The following PACRG variants were observed in gnomAD, a reference collection of about 807,000 sequenced individuals.
PACRG encodes parkin coregulated.
Under a neutral mutation model 29.7 loss-of-function variants are expected in PACRG, and 29 were observed. That is an observed-to-expected ratio of 0.98 (90% CI 0.73 to 1.33). The LOEUF (loss-of-function observed/expected upper bound fraction) is 1.33. Ranked by LOEUF, PACRG falls within the 40% of genes most tolerant of loss-of-function variation. The probability of loss-of-function intolerance (pLI) is 0.00; values close to 1 mark genes in which losing one functional copy is unlikely to be tolerated. For missense variants in PACRG, 279 were observed against 316.2 expected (o/e 0.88, Z 0.89); for synonymous variants, 116 against 118.7 (o/e 0.98, Z 0.15).
chr6:162,783,255 G>A (rs1784224779), intron 1 of PACRG, among the ~76,000 whole-genome samples: 1 of 151,870 alleles, frequency 6.6e-6, no homozygotes, highest in Non-Finnish European at 1.5e-5. Context: ...GTAAAAGTGA[G>A]GACATTTGAG....
At chr6:163,311,940 G>A (rs1486295819) in intron 4 of PACRG, among the ~76,000 whole-genome samples, 1 of 151,836 alleles carries the variant, frequency 6.6e-6, no homozygotes, top group East Asian at 1.9e-4. Flanking sequence ...CCCTCCATCA[G>A]GAAAATATGT....
At chr6:162,995,473 C>T (rs991601944) in intron 2 of PACRG, among the ~76,000 whole-genome samples, 26 of 152,164 alleles carry the variant, frequency 1.7e-4, no homozygotes, top group African/African-American at 5.3e-4. Flanking sequence ...GTCTGAAAAG[C>T]GCAGTATTCG....
intron 4 of PACRG, among the ~76,000 whole-genome samples, chr6:163,192,268 AG>A (rs1440636973): frequency 6.6e-6 from 1 of 152,234 alleles, no homozygotes; most frequent in African/African-American, 2.4e-5. Context: ...ATTTTTGCAA[AG>A]AATGCAAGGA....
chr6:163,025,707 G>A (rs17367151), intron 2 of PACRG, among the ~76,000 whole-genome samples: 2,777 of 152,284 alleles, frequency 0.018, 61 homozygotes, highest in Non-Finnish European at 0.022. Flanking sequence ...GATTTGCATG[G>A]AAAAGAACCA....
intron 2 of PACRG, among the ~76,000 whole-genome samples, chr6:162,907,824 A>G (rs1214306948): frequency 6.6e-6 from 1 of 152,180 alleles, no homozygotes; most frequent in Non-Finnish European, 1.5e-5. Context: ...CTCATAGCAA[A>G]CTAGTGATTT....
intron 4 of PACRG, among the ~76,000 whole-genome samples, chr6:163,121,668 T>G (rs1257732085): frequency 2.7e-5 from 4 of 149,188 alleles, no homozygotes; most frequent in African/African-American, 9.9e-5. Context: ...GTAATCTTTT[T>G]TTTTTTTTTT....
chr6:162,769,891 A>T (rs893686469), intron 1 of PACRG, among the ~76,000 whole-genome samples: 4 of 152,060 alleles, frequency 2.6e-5, no homozygotes, highest in African/African-American at 9.7e-5. Context: ...ACTGATTCTT[A>T]TTGATTACAT....
chr6:163,078,015 G>A (rs79525798), intron 3 of PACRG, among the ~76,000 whole-genome samples: 2,212 of 152,258 alleles, frequency 0.015, 47 homozygotes, highest in African/African-American at 0.051. Flanking sequence ...CGAATCCGCC[G>A]TGCATTAACT....
intron 1 of PACRG, among the ~76,000 whole-genome samples, chr6:162,765,036 G>A (rs1782674474): frequency 6.6e-6 from 1 of 151,964 alleles, no homozygotes; most frequent in African/African-American, 2.4e-5. Context: ...GAGCCACCGT[G>A]CCCGGCCTGG....
chr6:162,949,393 A>G (rs1392651568), intron 2 of PACRG, among the ~76,000 whole-genome samples: 1 of 152,140 alleles, frequency 6.6e-6, no homozygotes, highest in Non-Finnish European at 1.5e-5. Context: ...GGGTTGTTTA[A>G]TGGGTCTGTA....
rs561195798 is a variant in PACRG at position 163,290,228 on chromosome 6, C to T, written c.614-24599C>T. ...GCCAATCCCCACCCTGTGCCAACTC[C>T]AAATTCACTTAATTATCATACGCAC... On this transcript the variant is annotated intron_variant, in intron 4 of 4. Transcript: ENST00000366888. Among the ~76,000 whole-genome samples, 4 of 151,912 alleles carry T rather than the reference C, an allele frequency of 2.6e-5. No individual in the cohort carries two copies. The South Asian group carries it at 6.2e-4, about 24-fold the overall frequency.
At chr6:163,290,280 A>ACG (rs1255838569) in intron 4 of PACRG, among the ~76,000 whole-genome samples, 8 of 47,142 alleles carry the variant, frequency 1.7e-4, no homozygotes, top group African/African-American at 5.4e-4. Flanking sequence ...GCGCGCGCGC[A>ACG]CACACACACA....
At chr6:162,822,879 G>A (rs1301837373) in intron 2 of PACRG, among the ~76,000 whole-genome samples, 2 of 151,730 alleles carry the variant, frequency 1.3e-5, no homozygotes, top group Non-Finnish European at 2.9e-5. Flanking sequence ...TATAACACAT[G>A]TATTATAACA....
At chr6:162,727,318 T>TGAGGGGCGGCGGCGGGGCGCCGGG, upstream of PACRG, 2 of 337,474 alleles carry the variant, frequency 5.9e-6, no homozygotes, top group East Asian at 5.7e-5. Flanking sequence ...GGGGCGAAGG[T>TGAGGGGCGGCGGCGGGGCGCCGGG]GAGGGGCGGC....
chr6:163,023,031 A>G (rs1362201413), intron 2 of PACRG, among the ~76,000 whole-genome samples: 1 of 152,140 alleles, frequency 6.6e-6, no homozygotes, highest in Admixed American at 6.5e-5. Context: ...TAACATGCCT[A>G]TTTAGCTCTC....
At chr6:162,905,015 A>G (rs530794911) in intron 2 of PACRG, among the ~76,000 whole-genome samples, 1 of 152,312 alleles carries the variant, frequency 6.6e-6, no homozygotes, top group African/African-American at 2.4e-5. Context: ...GAAAGGGCAC[A>G]ATGCCTGGGA....
At chr6:163,134,059 CACATTCTACCA>C (rs1469487922) in intron 4 of PACRG, among the ~76,000 whole-genome samples, 1 of 152,172 alleles carries the variant, frequency 6.6e-6, no homozygotes, top group Non-Finnish European at 1.5e-5. Flanking sequence ...TTGAGACTCG[CACATTCTACCA>C]ACATTCTACC....
intron 4 of PACRG, among the ~76,000 whole-genome samples, chr6:163,134,526 A>G (rs1291412044): frequency 1.3e-5 from 2 of 152,236 alleles, no homozygotes; most frequent in African/African-American, 4.8e-5. Flanking sequence ...TAGAGGAAGG[A>G]TACCACAGAC....
chr6:162,845,761 A>T (rs34603926), intron 2 of PACRG, among the ~76,000 whole-genome samples: 15,405 of 152,242 alleles, frequency 0.1, 934 homozygotes, highest in Middle Eastern at 0.17. Flanking sequence ...TTTCATAGAA[A>T]TGTTTTAATT....
Sources: allele counts gnomAD v4.1 joint callset (sites outside exome capture counted in the v4.1 genomes callset), GRCh38; gene constraint gnomAD v4.1.1; transcripts MANE v1.5; gene names NCBI Gene and HGNC (gene_info 2026-07-23, HGNC 2026-07-21).